Variants in CA10 observed in about 807,000 individuals in gnomAD.
CA10 encodes the protein carbonic anhydrase-related protein 10.
Under a neutral mutation model 44.2 loss-of-function variants are expected in CA10, and 14 were observed. The observed-to-expected ratio is 0.32, with a 90% CI of 0.21 to 0.50. The LOEUF is 0.50. Among genes scored for constraint, CA10 ranks in the 20% least tolerant of loss-of-function variants. CA10 has a pLI of 0.99. For synonymous variants in CA10, 159 were observed against 141.6 expected, an observed-to-expected ratio of 1.12 and a Z score of -0.87; for missense variants, 350 against 409.7, an observed-to-expected ratio of 0.85 and a Z score of 1.26.
At chr17:51,859,549 T>C (rs1170285699) in intron 3 of CA10, among the ~76,000 whole-genome samples, 4 of 152,142 alleles carry the variant, frequency 2.6e-5, no homozygotes, top group South Asian at 2.1e-4. Flanking sequence ...TGGTTCTCTG[T>C]GCCACGTTTC....
At chr17:51,747,504 A>G (rs1904731265) in intron 4 of CA10, 129 bp downstream of exon 4, 1 of 701,372 alleles carries the variant, frequency 1.4e-6, no homozygotes, top group Admixed American at 2.8e-5. Flanking sequence ...ATGGAGAAAG[A>G]AGGCATGGGC....
intron 3 of CA10, among the ~76,000 whole-genome samples, chr17:51,863,955 A>G (rs1178840405): frequency 6.6e-6 from 1 of 152,194 alleles, no homozygotes; most frequent in African/African-American, 2.4e-5. Flanking sequence ...ATCATTGGCC[A>G]TGATTCACTG....
intron 2 of CA10, among the ~76,000 whole-genome samples, chr17:51,960,567 T>C (rs184429902): frequency 1.1e-4 from 17 of 152,264 alleles, no homozygotes; most frequent in South Asian, 1.0e-3. Flanking sequence ...GTGAAAATCA[T>C]AGAAGCCAGA....
chr17:51,926,575 C>T (rs148561950), intron 3 of CA10, among the ~76,000 whole-genome samples: 3 of 152,218 alleles, frequency 2.0e-5, no homozygotes, highest in Non-Finnish European at 4.4e-5. Context: ...GGCTGTATTC[C>T]TTCTGGAAGC....
chr17:52,102,802 A>C (rs1262600600), intron 1 of CA10, among the ~76,000 whole-genome samples: 3 of 152,208 alleles, frequency 2.0e-5, no homozygotes, highest in East Asian at 3.9e-4. Context: ...TCAAGAATGT[A>C]AATAAAATTT....
intron 2 of CA10, among the ~76,000 whole-genome samples, chr17:52,071,368 C>T (rs746552032): frequency 6.6e-6 from 1 of 152,142 alleles, no homozygotes; most frequent in Non-Finnish European, 1.5e-5. Context: ...CCCCATCATA[C>T]AAATGAGAAA....
At chr17:51,846,651 C>T (rs1162742248) in intron 3 of CA10, among the ~76,000 whole-genome samples, 1 of 152,132 alleles carries the variant, frequency 6.6e-6, no homozygotes, top group African/African-American at 2.4e-5. Flanking sequence ...TGAATGCCAG[C>T]AAAAAGGATG....
chr17:51,906,643 T>C (rs1598110969), intron 3 of CA10, among the ~76,000 whole-genome samples: 1 of 152,162 alleles, frequency 6.6e-6, no homozygotes, highest in East Asian at 1.9e-4. Flanking sequence ...TCCAGACATG[T>C]ATTTTGCCTA....
chr17:51,729,302 T>G (rs1416392537), intron 4 of CA10, among the ~76,000 whole-genome samples: 1 of 152,172 alleles, frequency 6.6e-6, no homozygotes, highest in African/African-American at 2.4e-5. Context: ...TCTCTAAGGT[T>G]TTATTCAATG....
intron 3 of CA10, among the ~76,000 whole-genome samples, chr17:51,888,807 A>G (rs1980727645): frequency 6.6e-6 from 1 of 152,200 alleles, no homozygotes; most frequent in Non-Finnish European, 1.5e-5. Flanking sequence ...TACATAATAA[A>G]TCATCTTCAA....
intron 3 of CA10, among the ~76,000 whole-genome samples, chr17:51,782,020 C>T (rs1906082595): frequency 6.6e-6 from 1 of 152,202 alleles, no homozygotes; most frequent in Non-Finnish European, 1.5e-5. Flanking sequence ...AGTTTGTGCA[C>T]TGTCTTCCGA....
intron 2 of CA10, among the ~76,000 whole-genome samples, chr17:52,066,055 C>G (rs192515366): frequency 5.3e-4 from 80 of 152,314 alleles, no homozygotes; most frequent in Non-Finnish European, 1.0e-3. Context: ...GCCTCCCCAG[C>G]CATGCTGAAC....
At chr17:52,091,702 G>T (rs901127187) in intron 1 of CA10, among the ~76,000 whole-genome samples, 2 of 152,188 alleles carry the variant, frequency 1.3e-5, no homozygotes, top group South Asian at 4.1e-4. Context: ...TTGATTTGCA[G>T]TTGTACAAGA....
intron 2 of CA10, among the ~76,000 whole-genome samples, chr17:51,938,615 G>A (rs966044481): frequency 2.6e-5 from 4 of 152,152 alleles, no homozygotes; most frequent in Non-Finnish European, 5.9e-5. Flanking sequence ...GCTTTTGGGA[G>A]TTGTCAGATT....
In CA10 at chr17:51,977,118, G is replaced by A. The variant is rs1355854545; in HGVS notation, c.137-45986C>T. 2.0e-5 allele frequency among the ~76,000 whole-genome samples: 3 copies of A among 151,998 alleles called. No homozygotes were observed. The South Asian group carries it at 6.2e-4, about 32-fold the overall frequency. ...GGTGAATACTATCAAATATTTAAGA[G>A]CTGTACAATATCCATTTAGCATATT... On this transcript the variant is annotated intron_variant, in intron 2 of 8. Transcript: ENST00000451037.
In CA10 at chr17:51,733,584, C is replaced by T. The variant is rs372426387; in HGVS notation, c.465+14049G>A. 7.9e-5 allele frequency among the ~76,000 whole-genome samples: 12 copies of T among 152,296 alleles called. No homozygotes were observed. The East Asian group carries it at 1.5e-3, about 20-fold the overall frequency. ...TCAAGCTAAATGAATACTCCAGAAG[C>T]GGCACTAGAGCTTTGTAGGATTGAG... On this transcript the variant is annotated intron_variant, in intron 4 of 8. Coordinates refer to ENST00000451037, the MANE Select transcript of CA10 (RefSeq NM_020178.5).
intron 2 of CA10, among the ~76,000 whole-genome samples, chr17:52,049,817 G>A (rs1689748767): frequency 6.6e-6 from 1 of 152,088 alleles, no homozygotes; most frequent in Admixed American, 6.6e-5. Flanking sequence ...GTTTCAGTCA[G>A]TGGTGGACTG....
intron 3 of CA10, among the ~76,000 whole-genome samples, chr17:51,921,216 T>C (rs1241158969): frequency 6.6e-6 from 1 of 152,160 alleles, no homozygotes; most frequent in African/African-American, 2.4e-5. Context: ...GATTCACAGG[T>C]CAAGTCAAAG....
chr17:52,116,446 G>A (rs777390261), intron 1 of CA10, among the ~76,000 whole-genome samples: 34 of 152,186 alleles, frequency 2.2e-4, no homozygotes, highest in Non-Finnish European at 4.4e-4. Context: ...GACAGCAGGC[G>A]GGACATGGAG....
Sources: allele counts gnomAD v4.1 joint callset (sites outside exome capture counted in the v4.1 genomes callset), GRCh38; gene constraint gnomAD v4.1.1; transcripts MANE v1.5; gene names NCBI Gene and HGNC (gene_info 2026-07-23, HGNC 2026-07-21).